ZNF324B: variants seen among roughly 807,000 people sequenced by gnomAD.
The protein encoded by ZNF324B is zinc finger protein 324B.
Under a neutral mutation model 10.6 loss-of-function variants are expected in ZNF324B, and 7 were observed. That is an observed-to-expected ratio of 0.66 (90% CI 0.38 to 1.24). The LOEUF is 1.24. ZNF324B is among the 50% of genes most tolerant of loss of function. The pLI is 0.02. For synonymous variants in ZNF324B, 316 were observed against 321.0 expected, an observed-to-expected ratio of 0.98 and a Z score of 0.17; for missense variants, 640 against 764.7, an observed-to-expected ratio of 0.84 and a Z score of 1.92.
At position 58,455,021 on chromosome 19, in the gene ZNF324B, C is replaced by A. The variant is rs1418378127; in HGVS notation, c.239-162C>A. Reference sequence around the variant, plus strand: ...AGTGCCACACCTGTCAGGGCAGATGCTTCCTCCAAACCCCAGCCCCTCCTG... The same window carrying A: ...AGTGCCACACCTGTCAGGGCAGATGATTCCTCCAAACCCCAGCCCCTCCTG... On this transcript the variant is annotated intron_variant, in intron 3 of 3. Coordinates refer to ENST00000336614, the MANE Select transcript of ZNF324B (RefSeq NM_207395.3). This position sits in a 1 kb window ranked among gnomAD's most constrained non-coding sequence, Gnocchi z 7.0. 7.3e-6 allele frequency: 7 copies of A among 957,672 alleles called. No homozygotes were observed. Among genetic ancestry groups the A allele is most frequent in the Non-Finnish European group, 1.2e-5 (7 of 607,946 alleles). 59.3% of individuals were successfully genotyped at this position (957,672 alleles called of 1,614,324 possible).
the ZNF324B span, chr19:58,435,251 T>A: frequency 6.3e-7 from 1 of 1,575,602 alleles, no homozygotes; most frequent in Admixed American, 1.8e-5. Context: ...GAATTCCACT[T>A]GGTGGGAATG....
chr19:58,452,811 G>T (rs2052873670), intron 1 of ZNF324B: 2 of 201,274 alleles, frequency 9.9e-6, no homozygotes, highest in African/African-American at 2.4e-5. Flanking sequence ...GGTGCCTGAG[G>T]CTATCAGGGG....
At chr19:58,454,943 A>G (rs2052898689) in intron 3 of ZNF324B, 2 of 661,544 alleles carry the variant, frequency 3.0e-6, no homozygotes, top group Middle Eastern at 4.9e-4. Flanking sequence ...TCAGCTTCAC[A>G]TCCTGGGTGT....
chr19:58,453,082 AAAATAAATAAATAAATAAATAAATAAAT>A (rs34636971), intron 1 of ZNF324B: 3 of 140,370 alleles, frequency 2.1e-5, no homozygotes, highest in African/African-American at 8.0e-5. Context: ...CTCCAAAATA[AAAATAAATAAATAAATAAATAAATAAAT>A]AAATAAATAA....
chr19:58,454,230 C>A lies in ZNF324B; in HGVS notation c.124C>A (p.Leu42Ile). The A allele has an allele frequency of 6.2e-7, 1 of 1,612,614 alleles. No homozygotes were observed. Among genetic ancestry groups the A allele is most frequent in the Non-Finnish European group, 8.5e-7 (1 of 1,178,672 alleles). Residue 42 changes from leucine (L) to isoleucine (I), a missense_variant and splice_region_variant, in exon 3 of 4, where the codon CTC becomes ATC. This residue lies in a region of ZNF324B where 345 missense variants were observed against 387.9 expected (regional missense o/e 0.89). Coordinates refer to ENST00000336614, the MANE Select transcript of ZNF324B (RefSeq NM_207395.3). ...ENFTLVTSLG[L>I]STSRPRVVIQ... ...CTCTCACCTGCTCCTCCTCACAGGA[C>A]TCTCTACCTCCCGACCTCGTGTGGT... is the stretch of plus-strand genomic sequence containing the variant.
chr19:58,439,956 G>C, the ZNF324B span: 3 of 875,162 alleles, frequency 3.4e-6, no homozygotes, highest in African/African-American at 5.3e-5. Context: ...GACGAAGGCT[G>C]GGTATGGAGA....
chr19:58,451,510 T>C (rs1441130669), upstream of ZNF324B: 9 of 440,956 alleles, frequency 2.0e-5, no homozygotes, highest in Non-Finnish European at 4.0e-5. Flanking sequence ...TGGCCCCGCC[T>C]CCGCGCCGAA....
At chr19:58,423,067 C>T in the ZNF324B span, among the ~76,000 whole-genome samples, 1 of 152,150 alleles carries the variant, frequency 6.6e-6, no homozygotes, top group Non-Finnish European at 1.5e-5. Context: ...GACAGGGTTT[C>T]ACCGTGTTAG....
the ZNF324B span, among the ~76,000 whole-genome samples, chr19:58,438,219 C>T: frequency 6.6e-6 from 1 of 152,222 alleles, no homozygotes; most frequent in Admixed American, 6.5e-5. Context: ...ACTCTCTGCT[C>T]AGGAGGCTCA....
At chr19:58,449,481 C>T (rs567199474), upstream of ZNF324B, among the ~76,000 whole-genome samples, 13 of 152,138 alleles carry the variant, frequency 8.5e-5, no homozygotes, top group African/African-American at 1.2e-4. Context: ...ACCACGCACC[C>T]GGAAAAGTCA....
At chr19:58,439,878 G>C in the ZNF324B span, 1 of 1,517,726 alleles carries the variant, frequency 6.6e-7, no homozygotes, top group East Asian at 2.6e-5. Flanking sequence ...CTTCCGCTGG[G>C]TGACGGTCGC....
At chr19:58,435,150 CA>C in the ZNF324B span, 3 of 1,614,074 alleles carry the variant, frequency 1.9e-6, no homozygotes, top group African/African-American at 4.0e-5. Context: ...TGACCTGTAA[CA>C]CTTCTACAGA....
chr19:58,425,451 TCTTCCTTC>T, the ZNF324B span, among the ~76,000 whole-genome samples: 3 of 149,816 alleles, frequency 2.0e-5, no homozygotes, highest in Admixed American at 2.0e-4. Context: ...CTGTCTTCCT[TCTTCCTTC>T]CTTCCTTCTT....
At chr19:58,423,625 A>T in the ZNF324B span, among the ~76,000 whole-genome samples, 2 of 152,244 alleles carry the variant, frequency 1.3e-5, no homozygotes, top group East Asian at 3.8e-4. Flanking sequence ...AATCCTGAGC[A>T]CAAAGAGCAA....
chr19:58,438,472 A>ATTTT, the ZNF324B span, among the ~76,000 whole-genome samples: 11 of 129,822 alleles, frequency 8.5e-5, no homozygotes, highest in African/African-American at 2.4e-4. Flanking sequence ...TCTAAGGTCA[A>ATTTT]TTTTTTTTTT....
chr19:58,450,425 A>C (rs951227627), upstream of ZNF324B, among the ~76,000 whole-genome samples: 43 of 148,908 alleles, frequency 2.9e-4, no homozygotes, highest in African/African-American at 1.0e-3. Flanking sequence ...AGTATGCACC[A>C]CTGCACTCCA....
At chr19:58,425,146 C>T in the ZNF324B span, among the ~76,000 whole-genome samples, 1 of 152,094 alleles carries the variant, frequency 6.6e-6, no homozygotes, top group South Asian at 2.1e-4. Context: ...GTCCCAGCTA[C>T]TCAGGAGGCT....
chr19:58,445,572 T>C, the ZNF324B span: 2 of 486,610 alleles, frequency 4.1e-6, no homozygotes, highest in Non-Finnish European at 8.2e-6. Context: ...TCCCAGCACT[T>C]TGGGAGGCTA....
chr19:58,438,743 G>A, the ZNF324B span, among the ~76,000 whole-genome samples: 2 of 149,144 alleles, frequency 1.3e-5, no homozygotes, highest in African/African-American at 5.0e-5. Flanking sequence ...AAAGTGCTGG[G>A]ATTACAGGCG....
Sources: allele counts gnomAD v4.1 joint callset (sites outside exome capture counted in the v4.1 genomes callset), GRCh38; gene constraint gnomAD v4.1.1; regional missense constraint gnomAD v4.1.1; non-coding constraint Gnocchi (gnomAD v3.1); transcripts MANE v1.5; gene names NCBI Gene and HGNC (gene_info 2026-07-23, HGNC 2026-07-21).